MDGA2: variants seen among roughly 807,000 people sequenced by gnomAD.
MDGA2 encodes the protein MAM domain containing glycosylphosphatidylinositol anchor 2.
A neutral mutation model predicts 117.8 loss-of-function variants in MDGA2; 40 were observed. The observed-to-expected ratio is 0.34, with a 90% confidence interval of 0.26 to 0.44. The LOEUF is 0.44. Among genes scored for constraint, MDGA2 ranks in the 20% least tolerant of loss-of-function variants. MDGA2 has a pLI of 1.00. For synonymous variants in MDGA2, 452 were observed against 439.0 expected, an observed-to-expected ratio of 1.03 and a Z score of -0.37; for missense variants, 1,123 against 1,250.6, an observed-to-expected ratio of 0.90 and a Z score of 1.54.
intron 5 of MDGA2, among the ~76,000 whole-genome samples, chr14:47,106,824 T>G (rs1229286664): frequency 1.4e-5 from 2 of 142,568 alleles, no homozygotes; most frequent in East Asian, 3.9e-4. Flanking sequence ...CCATAACTGT[T>G]GTGGGTATTG....
At chr14:47,561,158 G>GGGTTTTTTTT (rs1566515949) in intron 1 of MDGA2, among the ~76,000 whole-genome samples, 1 of 55,076 alleles carries the variant, frequency 1.8e-5, no homozygotes, top group African/African-American at 4.6e-5. Context: ...TTTTTGTTTT[G>GGGTTTTTTTT]TTTTGTTTTT....
chr14:47,101,122 TAGAC>T (rs33913671), intron 5 of MDGA2, among the ~76,000 whole-genome samples: 21,990 of 94,524 alleles, frequency 0.23, 1,705 homozygotes, highest in African/African-American at 0.31. Flanking sequence ...GATAGATAGA[TAGAC>T]AGATAGATAG....
chr14:47,392,593 T>C (rs1891921365), intron 1 of MDGA2, among the ~76,000 whole-genome samples: 1 of 152,030 alleles, frequency 6.6e-6, no homozygotes, highest in Non-Finnish European at 1.5e-5. Context: ...AGAGAGACCC[T>C]ACTGAGCTGC....
chr14:47,511,750 A>G (rs1894645550), intron 1 of MDGA2, among the ~76,000 whole-genome samples: 1 of 152,202 alleles, frequency 6.6e-6, no homozygotes, highest in African/African-American at 2.4e-5. Flanking sequence ...ATACACAGAC[A>G]AAAACACTTT....
At chr14:47,012,849 T>A (rs927581364) in intron 8 of MDGA2, among the ~76,000 whole-genome samples, 7 of 152,156 alleles carry the variant, frequency 4.6e-5, no homozygotes, top group African/African-American at 1.7e-4. Flanking sequence ...TTGGTTTCCC[T>A]GTGCATATAA....
intron 1 of MDGA2, among the ~76,000 whole-genome samples, chr14:47,341,327 A>C (rs1331273377): frequency 1.3e-5 from 2 of 152,198 alleles, no homozygotes. Flanking sequence ...ATGCAATGGT[A>C]TGTGGCCAAA....
intron 1 of MDGA2, among the ~76,000 whole-genome samples, chr14:47,484,130 C>A (rs1393750407): frequency 5.3e-5 from 8 of 152,054 alleles, no homozygotes; most frequent in Admixed American, 3.9e-4. Context: ...ATTTCCTTCA[C>A]AGATTTATCA....
intron 3 of MDGA2, among the ~76,000 whole-genome samples, chr14:47,214,204 T>C (rs1184946028): frequency 6.6e-6 from 1 of 152,008 alleles, no homozygotes; most frequent in Non-Finnish European, 1.5e-5. Flanking sequence ...GTTCAGCCAC[T>C]CAGAAGACAC....
chr14:47,412,979 T>A (rs1170515836), intron 1 of MDGA2, among the ~76,000 whole-genome samples: 1 of 152,208 alleles, frequency 6.6e-6, no homozygotes, highest in Non-Finnish European at 1.5e-5. Context: ...TTGAAAACTA[T>A]CAAAATCTCA....
chr14:47,281,611 C>T lies in MDGA2; in HGVS notation c.420+19800G>A, dbSNP rs78757833. On this transcript the variant is annotated intron_variant, in intron 2 of 16. Transcript: ENST00000399232. The stretch of plus-strand genomic sequence containing the variant: ...TCTAGGTATTGTCATACTGATCCAT[C>T]CATTTTTAATTTCCTCAACATATTT... Among the ~76,000 whole-genome samples the T allele has an allele frequency of 3.3e-5, 5 of 152,288 alleles. No individual in the cohort carries two copies. The East Asian group carries it at 9.7e-4, about 29-fold the overall frequency.
At chr14:47,118,330 C>A (rs190298797) in intron 5 of MDGA2, among the ~76,000 whole-genome samples, 3 of 152,176 alleles carry the variant, frequency 2.0e-5, no homozygotes, top group Admixed American at 2.0e-4. Flanking sequence ...TATAGAAGAA[C>A]TAAATAGGTT....
At chr14:46,862,137 T>C (rs191481365) in intron 14 of MDGA2, among the ~76,000 whole-genome samples, 5 of 152,066 alleles carry the variant, frequency 3.3e-5, no homozygotes, top group African/African-American at 1.2e-4. Flanking sequence ...ATAGGATTTT[T>C]CAAATTCTAT....
intron 1 of MDGA2, among the ~76,000 whole-genome samples, chr14:47,599,640 T>A (rs1477021278): frequency 6.6e-6 from 1 of 152,152 alleles, no homozygotes; most frequent in Non-Finnish European, 1.5e-5. Context: ...GGTCTAAAAT[T>A]ATACTAATGT....
At chr14:47,644,143 A>G (rs1048963619) in intron 1 of MDGA2, among the ~76,000 whole-genome samples, 1 of 152,168 alleles carries the variant, frequency 6.6e-6, no homozygotes, top group African/African-American at 2.4e-5. Context: ...TAGGCAGAAT[A>G]ATGGCCCCCA....
intron 2 of MDGA2, among the ~76,000 whole-genome samples, chr14:47,243,850 A>G (rs1887151590): frequency 6.6e-6 from 1 of 151,794 alleles, no homozygotes; most frequent in African/African-American, 2.4e-5. Flanking sequence ...CTGGCAACCA[A>G]TGGTGATAGG....
At chr14:46,963,918 A>G (rs1188464381) in intron 8 of MDGA2, among the ~76,000 whole-genome samples, 1 of 152,210 alleles carries the variant, frequency 6.6e-6, no homozygotes, top group Non-Finnish European at 1.5e-5. Context: ...AGATGTACAC[A>G]TTCTCTTCAA....
intron 6 of MDGA2, among the ~76,000 whole-genome samples, chr14:47,069,289 C>T (rs1342779349): frequency 6.6e-6 from 1 of 152,146 alleles, no homozygotes; most frequent in African/African-American, 2.4e-5. Flanking sequence ...TTACACTTTC[C>T]ACTTCGTGTC....
At chr14:47,262,818 C>G (rs1284307198) in intron 2 of MDGA2, among the ~76,000 whole-genome samples, 1 of 152,124 alleles carries the variant, frequency 6.6e-6, no homozygotes, top group Non-Finnish European at 1.5e-5. Context: ...ATATGTGAAT[C>G]CTATATCTAT....
At chr14:47,506,068 G>C (rs1459219804) in intron 1 of MDGA2, among the ~76,000 whole-genome samples, 3 of 152,094 alleles carry the variant, frequency 2.0e-5, no homozygotes, top group Admixed American at 6.6e-5. Context: ...GTGATGACAG[G>C]AGCATAGATA....
Sources: gnomAD v4.1 joint callset for allele counts (sites outside exome capture counted in the v4.1 genomes callset) on GRCh38, gnomAD v4.1.1 for gene constraint, MANE v1.5 for transcripts, NCBI Gene and HGNC (gene_info 2026-07-23, HGNC 2026-07-21) for gene names.